The following MEIS2 variants were observed in gnomAD, a reference collection of about 807,000 sequenced individuals.
The protein encoded by MEIS2 is Meis homeobox 2.
MEIS2 carries 9 observed loss-of-function variants against 58.6 expected under a neutral mutation model. The ratio of observed to expected loss-of-function variants is 0.15; its 90% CI spans 0.09 to 0.27. The LOEUF (loss-of-function observed/expected upper bound fraction) is 0.27. Among genes scored for constraint, MEIS2 ranks in the 10% least tolerant of loss-of-function variants. The pLI is 1.00. For missense variants in MEIS2, 427 were observed against 635.0 expected (o/e 0.67, Z 3.52); for synonymous variants, 221 against 228.4 (o/e 0.97, Z 0.29).
intron 8 of MEIS2, among the ~76,000 whole-genome samples, chr15:36,952,794 T>C (rs2058809017): frequency 6.6e-6 from 1 of 152,166 alleles, no homozygotes; most frequent in African/African-American, 2.4e-5. Context: ...TGAATAACAA[T>C]AATTCTTTCC....
At chr15:37,086,695 C>T (rs527778174) in intron 6 of MEIS2, among the ~76,000 whole-genome samples, 15 of 152,084 alleles carry the variant, frequency 9.9e-5, no homozygotes, top group African/African-American at 2.4e-4. Flanking sequence ...GACTATCACA[C>T]GATAGTCATC....
At chr15:36,987,932 T>G (rs2060145781) in intron 8 of MEIS2, among the ~76,000 whole-genome samples, 1 of 152,166 alleles carries the variant, frequency 6.6e-6, no homozygotes, top group African/African-American at 2.4e-5. Flanking sequence ...TCTTTTACAA[T>G]TTTTGATAGG....
chr15:37,057,342 A>G (rs1888571048), intron 7 of MEIS2, among the ~76,000 whole-genome samples: 1 of 152,220 alleles, frequency 6.6e-6, no homozygotes, highest in Non-Finnish European at 1.5e-5. Context: ...TCCAATGAAC[A>G]GAACAGTTTT....
chr15:36,943,455 G>GT (rs1039438376), intron 9 of MEIS2, among the ~76,000 whole-genome samples: 8 of 152,094 alleles, frequency 5.3e-5, no homozygotes, highest in Admixed American at 6.6e-5. Flanking sequence ...AAGGGTCTAC[G>GT]TTTTTGGCCA....
intron 8 of MEIS2, among the ~76,000 whole-genome samples, chr15:36,964,156 C>A (rs2059282070): frequency 6.6e-6 from 1 of 152,202 alleles, no homozygotes; most frequent in African/African-American, 2.4e-5. Flanking sequence ...AGGACGAATG[C>A]TTTTCTGATT....
chr15:36,892,019 G>T lies in MEIS2; in HGVS notation c.*154C>A. On this transcript the variant is annotated 3_prime_UTR_variant, in exon 12 of 12. Transcript: ENST00000561208. ...ATGATTTCACATTTGTGTTCTTGTTGCATTGGTCCTCTGTTGCTTGATGAA... is the reference window on the plus strand; with the variant it reads ...ATGATTTCACATTTGTGTTCTTGTTTCATTGGTCCTCTGTTGCTTGATGAA... The T allele has an allele frequency of 1.3e-6, 1 of 765,348 alleles. No homozygotes were observed. The highest frequency in any genetic ancestry group is 1.7e-5 in the South Asian group (1 of 58,924). The allele number at this position is 765,348 out of a possible 1,614,324, so 47.4% of individuals were successfully genotyped here.
At chr15:37,005,647 C>G (rs1296798515) in intron 8 of MEIS2, among the ~76,000 whole-genome samples, 1 of 152,202 alleles carries the variant, frequency 6.6e-6, no homozygotes, top group African/African-American at 2.4e-5. Context: ...ACTGCAGCCT[C>G]CGGGCTCAAG....
chr15:36,996,301 G>A (rs1187759394), intron 8 of MEIS2, among the ~76,000 whole-genome samples: 2 of 151,946 alleles, frequency 1.3e-5, no homozygotes, highest in African/African-American at 4.8e-5. Context: ...ACAGCTCTAG[G>A]TGTTCACACT....
intron 8 of MEIS2, among the ~76,000 whole-genome samples, chr15:36,962,927 A>T (rs2059235451): frequency 6.6e-6 from 1 of 152,236 alleles, no homozygotes; most frequent in South Asian, 2.1e-4. Flanking sequence ...GAAAATATTG[A>T]TTATGCTTTA....
intron 7 of MEIS2, among the ~76,000 whole-genome samples, chr15:37,081,160 T>C (rs1279908686): frequency 1.3e-5 from 2 of 152,236 alleles, no homozygotes; most frequent in Admixed American, 6.5e-5. Context: ...TTTAGTACAA[T>C]TCATCCCTAT....
intron 8 of MEIS2, among the ~76,000 whole-genome samples, chr15:37,018,676 T>C (rs1372808879): frequency 6.6e-6 from 1 of 152,208 alleles, no homozygotes; most frequent in Admixed American, 6.5e-5. Flanking sequence ...TTTCTACCCA[T>C]TCATTCATAA....
chr15:37,054,568 C>T (rs2063056063), intron 7 of MEIS2, among the ~76,000 whole-genome samples: 1 of 152,170 alleles, frequency 6.6e-6, no homozygotes, highest in African/African-American at 2.4e-5. Flanking sequence ...AGGCATGTGC[C>T]ACCACACCCA....
At position 36,952,735 on chromosome 15, in the gene MEIS2, T is replaced by TG. The variant is rs202137694; in HGVS notation, c.901-2336dup. ...CAGAATAGTTGAAATGGGAGATTAC[T>TG]GGAGAGCCAATTCCTTCAAGTTTGA... On this transcript the variant is annotated intron_variant, in intron 8 of 11. Transcript: ENST00000561208. Among the ~76,000 whole-genome samples the TG allele has an allele frequency of 4.5e-3, 681 of 152,062 alleles. 6 individuals carry two copies. The highest frequency in any genetic ancestry group is 0.016 in the African/African-American group (663 of 41,476).
chr15:36,947,765 C>T (rs1277127374), intron 9 of MEIS2, among the ~76,000 whole-genome samples: 1 of 151,926 alleles, frequency 6.6e-6, no homozygotes, highest in Non-Finnish European at 1.5e-5. Context: ...TTTGACTGAG[C>T]ACTCTCAGGG....
intron 8 of MEIS2, among the ~76,000 whole-genome samples, chr15:36,987,675 T>C (rs143183487): frequency 3.3e-5 from 5 of 152,234 alleles, no homozygotes; most frequent in South Asian, 4.1e-4. Context: ...CATAACACTT[T>C]GATGGCAAAG....
intron 8 of MEIS2, among the ~76,000 whole-genome samples, chr15:37,008,746 A>G (rs959397006): frequency 6.6e-6 from 1 of 152,118 alleles, no homozygotes; most frequent in South Asian, 2.1e-4. Flanking sequence ...ATTTGGGGGG[A>G]AAAAGAAAGA....
intron 3 of MEIS2, 83 bp from the exon 4 acceptor site, chr15:37,095,697 G>A: frequency 6.3e-7 from 1 of 1,598,496 alleles, no homozygotes; most frequent in South Asian, 1.1e-5. Context: ...ACGGTGGAGG[G>A]CAATGGCGGA....
chr15:36,997,402 G>T (rs11638927), intron 8 of MEIS2, among the ~76,000 whole-genome samples: 111,856 of 151,788 alleles, frequency 0.74, 44,968 homozygotes, highest in Non-Finnish European at 0.91. Flanking sequence ...GAAAGGGAAA[G>T]GAAATCCCAG....
At chr15:37,090,374 G>A (rs1043808351) in intron 6 of MEIS2, among the ~76,000 whole-genome samples, 2 of 151,892 alleles carry the variant, frequency 1.3e-5, no homozygotes, top group Non-Finnish European at 2.9e-5. Flanking sequence ...CTGAATGTAA[G>A]GAATGGAAAG....
Sources: allele counts gnomAD v4.1 joint callset (sites outside exome capture counted in the v4.1 genomes callset), GRCh38; gene constraint gnomAD v4.1.1; transcripts MANE v1.5; gene names NCBI Gene and HGNC (gene_info 2026-07-23, HGNC 2026-07-21).